The following NALCN variants were observed in gnomAD, a reference collection of about 807,000 sequenced individuals.
The protein encoded by NALCN is sodium leak channel, non-selective, also known as sodium leak channel NALCN.
In NALCN, 111 loss-of-function variants were observed where a neutral mutation model predicts 225.3. The observed-to-expected ratio is 0.49, with a 90% CI of 0.42 to 0.58. NALCN has a LOEUF of 0.58. NALCN is among the 20% of genes least tolerant of loss of function. The pLI is 0.00. For synonymous variants in NALCN, 764 were observed against 769.0 expected, an observed-to-expected ratio of 0.99 and a Z score of 0.11; for missense variants, 1,378 against 2,202.4, an observed-to-expected ratio of 0.63 and a Z score of 7.49.
intron 7 of NALCN, among the ~76,000 whole-genome samples, chr13:101,309,210 C>A (rs909898271): frequency 1.3e-5 from 2 of 152,014 alleles, no homozygotes; most frequent in African/African-American, 4.8e-5. Flanking sequence ...AAAATACAGG[C>A]AAAGTCTTAA....
chr13:101,402,756 G>A (rs1192969293), intron 1 of NALCN, among the ~76,000 whole-genome samples: 1 of 152,152 alleles, frequency 6.6e-6, no homozygotes, highest in Non-Finnish European at 1.5e-5. Context: ...TAGGAAGACG[G>A]TGCCAACACC....
At chr13:101,150,154 GTTGT>G (rs2037570180) in intron 15 of NALCN, among the ~76,000 whole-genome samples, 2 of 10,242 alleles carry the variant, frequency 2.0e-4, no homozygotes, top group South Asian at 8.3e-3. Flanking sequence ...AGTACATACT[GTTGT>G]ATGTACTCCA....
At position 101,082,197 on chromosome 13, in the gene NALCN, T is replaced by G. The variant is rs1388533614; in HGVS notation, c.3766-551A>C. 3.9e-5 allele frequency among the ~76,000 whole-genome samples: 6 copies of G among 152,310 alleles called. No individual in the cohort carries two copies. In the South Asian group the frequency reaches 1.2e-3, roughly 32 times the overall value. ...TCGGTTATACTATCTATTTAAAGAA[T>G]AATTGTAAACATGTAGTAACTAAAA... is the stretch of plus-strand genomic sequence containing the variant. On this transcript the variant is annotated intron_variant, in intron 33 of 43. Coordinates refer to ENST00000251127, the MANE Select transcript of NALCN (RefSeq NM_052867.4).
At chr13:101,153,500 A>G (rs2037753025) in intron 15 of NALCN, among the ~76,000 whole-genome samples, 1 of 152,236 alleles carries the variant, frequency 6.6e-6, no homozygotes, top group African/African-American at 2.4e-5. Context: ...AATGAAAACG[A>G]AAATAGGCAG....
chr13:101,395,249 A>G lies in NALCN; in HGVS notation c.225T>C (p.Asp75=). The G allele has an allele frequency of 6.2e-7, 1 of 1,614,110 alleles. No homozygotes were observed. The highest frequency in any genetic ancestry group is 2.2e-5 in the East Asian group (1 of 44,880). Residue 75 remains aspartate, a synonymous_variant, in exon 3 of 44, where the codon GAT becomes GAC. Transcript: ENST00000251127. The stretch of plus-strand genomic sequence containing the variant: ...CCGTGTAGAGAAACATCAATAATGT[A>G]TCCAAAGTGAAGGTCACATACTGAA... The part of the protein sequence containing the change: ...PPLQYVTFTL[D]TLLMFLYTAE...
At chr13:101,289,514 C>T (rs972347343) in intron 9 of NALCN, among the ~76,000 whole-genome samples, 3 of 129,794 alleles carry the variant, frequency 2.3e-5, no homozygotes, top group African/African-American at 8.3e-5. Flanking sequence ...CTTCTTTGTT[C>T]TGAAAATGTG....
rs201551400 is a variant in NALCN, at chr13:101,103,267, G to C, written c.2962C>G (p.Leu988Val). The change falls in exon 26 of 44, where the codon CTT becomes GTT. Residue 988 changes from leucine (L) to valine (V), a missense_variant. Around this residue, in one of 19 missense-constraint regions of NALCN, gnomAD observed 292 missense variants for 409.5 expected, o/e 0.71. Coordinates refer to ENST00000251127, the MANE Select transcript of NALCN (RefSeq NM_052867.4). ...AESGAQLLMV[L>V]RCLRPLRIFK... is the part of the protein sequence containing the mutation. Reference sequence around the variant, plus strand: ...ATGCGCAGAGGTCTCAGGCACCGAAGGACCATTAGAAGCTGAGCTCCCGAT... The same window carrying C: ...ATGCGCAGAGGTCTCAGGCACCGAACGACCATTAGAAGCTGAGCTCCCGAT... 1 of 1,613,942 alleles carries C rather than the reference G, an allele frequency of 6.2e-7. No individual in the cohort carries two copies. Among genetic ancestry groups the C allele is most frequent in the East Asian group, 2.2e-5 (1 of 44,868 alleles).
rs576571039 is a variant in NALCN, at chr13:101,347,988, G to A, written c.645-2568C>T. ...AACTTTAGCATGTTCATAGAACTAT[G>A]CAGCTAAGAGATACTATATGGATCA... is the stretch of plus-strand genomic sequence containing the variant. On this transcript the variant is annotated intron_variant, in intron 6 of 43. Coordinates refer to ENST00000251127, the MANE Select transcript of NALCN (RefSeq NM_052867.4). 7.9e-5 allele frequency among the ~76,000 whole-genome samples: 12 copies of A among 152,274 alleles called. No individual in the cohort carries two copies. In the South Asian group the frequency reaches 1.4e-3, roughly 18 times the overall value.
rs541347096 is a variant in NALCN at position 101,143,992 on chromosome 13, T to C, written c.1976+768A>G. Among the ~76,000 whole-genome samples, 5 of 152,336 alleles carry C rather than the reference T, an allele frequency of 3.3e-5. No individual in the cohort carries two copies. In the East Asian group the frequency reaches 9.6e-4, roughly 29 times the overall value. On this transcript the variant is annotated intron_variant, in intron 16 of 43. Transcript: ENST00000251127. ...TTCAATTAATTTTGTTTTTTAAAATTAGAAATGCAAATATATTTCTACCCG... is the reference window on the plus strand; with the variant it reads ...TTCAATTAATTTTGTTTTTTAAAATCAGAAATGCAAATATATTTCTACCCG...
chr13:101,191,130 G>A (rs1440947338), intron 14 of NALCN, among the ~76,000 whole-genome samples: 1 of 151,966 alleles, frequency 6.6e-6, no homozygotes, highest in African/African-American at 2.4e-5. Flanking sequence ...TTTATTTCTT[G>A]TATTCCTGAT....
At chr13:101,369,008 A>G (rs542074819) in intron 6 of NALCN, 4 of 369,382 alleles carry the variant, frequency 1.1e-5, no homozygotes, top group African/African-American at 8.5e-5. Context: ...TCTGTCTCAA[A>G]AAAACAACAA....
intron 1 of NALCN, among the ~76,000 whole-genome samples, chr13:101,410,458 TG>T (rs1423772058): frequency 6.6e-6 from 1 of 152,168 alleles, no homozygotes; most frequent in Non-Finnish European, 1.5e-5. Flanking sequence ...TATAATTGTA[TG>T]TATATACAGT....
At chr13:101,190,008 C>A (rs958006126) in intron 14 of NALCN, among the ~76,000 whole-genome samples, 5 of 152,182 alleles carry the variant, frequency 3.3e-5, no homozygotes, top group Non-Finnish European at 5.9e-5. Context: ...AGGCTATATA[C>A]CAGTTTTAAT....
chr13:101,218,889 T>C (rs1412753895), intron 13 of NALCN, among the ~76,000 whole-genome samples: 1 of 152,074 alleles, frequency 6.6e-6, no homozygotes, highest in Non-Finnish European at 1.5e-5. Context: ...AATTACCCAG[T>C]CTCAGATATT....
In NALCN at chr13:101,089,086, C is replaced by T. The variant is rs938822205; in HGVS notation, c.3489+577G>A. 2.0e-5 allele frequency among the ~76,000 whole-genome samples: 3 copies of T among 151,794 alleles called. No homozygotes were observed. The highest frequency in any genetic ancestry group is 7.3e-5 in the African/African-American group (3 of 41,334). On this transcript the variant is annotated intron_variant, in intron 30 of 43. Coordinates refer to ENST00000251127, the MANE Select transcript of NALCN (RefSeq NM_052867.4). This position sits in a 1 kb window ranked among gnomAD's most constrained non-coding sequence, Gnocchi z 4.7. ...CTAATTTTTGTATTTTTAGTAGAGA[C>T]AGGGTTTCACTATGTTGGCCAGGCT...
At chr13:101,272,141 CGT>C (rs1416637583) in intron 10 of NALCN, among the ~76,000 whole-genome samples, 2 of 150,322 alleles carry the variant, frequency 1.3e-5, no homozygotes, top group African/African-American at 2.4e-5. Context: ...GGTGTGTGTG[CGT>C]GTGAGCATGT....
At chr13:101,397,073 T>C (rs1309881784) in intron 2 of NALCN, among the ~76,000 whole-genome samples, 3 of 48,616 alleles carry the variant, frequency 6.2e-5, no homozygotes, top group Non-Finnish European at 9.4e-5. Flanking sequence ...GTATTATATA[T>C]ATATATATAT....
intron 10 of NALCN, among the ~76,000 whole-genome samples, chr13:101,268,219 GC>G (rs578225089): frequency 2.6e-4 from 40 of 152,228 alleles, no homozygotes; most frequent in African/African-American, 9.6e-4. Context: ...AGTGCAGCTT[GC>G]CCCAGCTGTG....
chr13:101,224,862 G>A (rs2041078307), intron 13 of NALCN, among the ~76,000 whole-genome samples: 1 of 152,068 alleles, frequency 6.6e-6, no homozygotes, highest in Non-Finnish European at 1.5e-5. Flanking sequence ...AGCCTCGGAG[G>A]GAAATTTCCC....
Sources: gnomAD v4.1 joint callset for allele counts (sites outside exome capture counted in the v4.1 genomes callset) on GRCh38, gnomAD v4.1.1 for gene constraint, gnomAD v4.1.1 regional missense constraint, Gnocchi (gnomAD v3.1) non-coding constraint, MANE v1.5 for transcripts, NCBI Gene and HGNC (gene_info 2026-07-23, HGNC 2026-07-21) for gene names.